Variants in SVOP observed in about 807,000 individuals in gnomAD.
The protein encoded by SVOP is SV2 related protein.
SVOP carries 17 observed loss-of-function variants against 69.1 expected under a neutral mutation model. That is an observed-to-expected ratio of 0.25 (90% CI 0.17 to 0.37). SVOP has a LOEUF of 0.37. Ranked by LOEUF, SVOP falls within the 10% of genes least tolerant of loss-of-function variation. The pLI, the probability that SVOP is intolerant of heterozygous loss-of-function variation, is 1.00. For missense variants in SVOP, 435 were observed against 597.5 expected (o/e 0.73, Z 2.84); for synonymous variants, 238 against 238.6 (o/e 1.00, Z 0.02).
intron 6 of SVOP, among the ~76,000 whole-genome samples, chr12:108,952,851 C>T (rs536066422): frequency 2.0e-4 from 30 of 152,030 alleles, no homozygotes; most frequent in Non-Finnish European, 3.8e-4. Flanking sequence ...AGAGCGAAAT[C>T]CGGTTTCAAA....
chr12:109,017,795 C>A (rs190841814), intron 1 of SVOP, among the ~76,000 whole-genome samples: 3 of 152,068 alleles, frequency 2.0e-5, no homozygotes, highest in Non-Finnish European at 4.4e-5. Flanking sequence ...CCACCCACCT[C>A]GGTCTCCCAA....
intron 6 of SVOP, among the ~76,000 whole-genome samples, chr12:108,948,227 C>T (rs2039935654): frequency 6.6e-6 from 1 of 152,170 alleles, no homozygotes; most frequent in African/African-American, 2.4e-5. Flanking sequence ...TTCCCTGTAT[C>T]TTTCTCTTAG....
chr12:108,918,003 C>A (rs761950133), intron 14 of SVOP, 40 bp downstream of exon 14: 63 of 1,490,316 alleles, frequency 4.2e-5, no homozygotes, highest in East Asian at 2.5e-4. Flanking sequence ...ACTCTCCCCC[C>A]ACTGCCCGTT....
chr12:108,951,134 A>G (rs2039951675), intron 6 of SVOP, among the ~76,000 whole-genome samples: 1 of 152,212 alleles, frequency 6.6e-6, no homozygotes, highest in African/African-American at 2.4e-5. Context: ...GGCTTTGTGT[A>G]TAAGCTCATT....
At position 108,912,340 on chromosome 12, in the gene SVOP, A is replaced by G; in HGVS notation, c.*195T>C. The G allele has an allele frequency of 6.9e-7, 1 of 1,444,770 alleles. No homozygotes were observed. Among genetic ancestry groups the G allele is most frequent in the Non-Finnish European group, 9.1e-7 (1 of 1,104,308 alleles). 89.5% of individuals were successfully genotyped at this position (1,444,770 alleles called of 1,614,324 possible). On this transcript the variant is annotated 3_prime_UTR_variant, in exon 16 of 16. Coordinates refer to ENST00000610966, the MANE Select transcript of SVOP (RefSeq NM_018711.5). The stretch of plus-strand genomic sequence containing the variant: ...ACCACATATACAGAGAACCCCCTAG[A>G]GCAAACATCTCCCCATCCCTGGGTG...
intron 1 of SVOP, among the ~76,000 whole-genome samples, chr12:109,006,115 C>G (rs1283989368): frequency 1.3e-5 from 2 of 152,156 alleles, no homozygotes; most frequent in African/African-American, 4.8e-5. Flanking sequence ...TGCAGTGGCA[C>G]AGTCTCGGCT....
chr12:108,963,077 C>A (rs2040026038), intron 5 of SVOP, among the ~76,000 whole-genome samples: 1 of 152,168 alleles, frequency 6.6e-6, no homozygotes, highest in Admixed American at 6.5e-5. Flanking sequence ...ATTTTTATAT[C>A]ACAATCAATG....
At chr12:108,923,700 T>C (rs1311586243) in intron 11 of SVOP, among the ~76,000 whole-genome samples, 1 of 152,098 alleles carries the variant, frequency 6.6e-6, no homozygotes, top group African/African-American at 2.4e-5. Context: ...GTGGTAATTC[T>C]GTTATGCACC....
At chr12:108,970,550 T>C (rs2040073127) in intron 5 of SVOP, among the ~76,000 whole-genome samples, 4 of 152,144 alleles carry the variant, frequency 2.6e-5, no homozygotes, top group Admixed American at 2.0e-4. Context: ...CCTAACAGAA[T>C]TCTAGGTTTG....
chr12:108,997,232 C>T (rs1052289827), intron 1 of SVOP, among the ~76,000 whole-genome samples: 2 of 152,208 alleles, frequency 1.3e-5, no homozygotes, highest in South Asian at 2.1e-4. Flanking sequence ...CACTCCCACC[C>T]GAATATTGCG....
intron 6 of SVOP, among the ~76,000 whole-genome samples, chr12:108,951,736 A>T (rs1386017836): frequency 6.6e-6 from 1 of 152,198 alleles, no homozygotes; most frequent in East Asian, 1.9e-4. Flanking sequence ...CCCCTTTGAA[A>T]TTGTTGTTCA....
At position 108,919,756 on chromosome 12, in the gene SVOP, C is replaced by A. The variant is rs375451387; in HGVS notation, c.1187G>T (p.Arg396Leu). Reference protein sequence around the residue: ...GVLVTLWIIDRLGRKKTMALC... With the variant: ...GVLVTLWIIDLLGRKKTMALC... The stretch of plus-strand genomic sequence containing the variant: ...GGCCATGGTCTTCTTGCGCCCCAGG[C>A]GGTCAATAATCCACAGAGTCACAAG... The change falls in exon 13 of 16, where the codon CGC becomes CTC. Residue 396 changes from arginine (R) to leucine (L), a missense_variant. Arg to Leu is a moderately radical substitution (Grantham distance 102, BLOSUM62 -2). Coordinates refer to ENST00000610966, the MANE Select transcript of SVOP (RefSeq NM_018711.5). 5.0e-6 allele frequency: 8 copies of A among 1,602,950 alleles called. No individual in the cohort carries two copies. The highest frequency in any genetic ancestry group is 2.3e-5 in the East Asian group (1 of 44,428).
intron 1 of SVOP, among the ~76,000 whole-genome samples, chr12:108,991,647 A>G (rs1332854399): frequency 6.6e-6 from 1 of 151,196 alleles, no homozygotes; most frequent in Non-Finnish European, 1.5e-5. Flanking sequence ...GTAGAGACAG[A>G]CTTTCTCCAT....
At chr12:108,919,389 A>G (rs1210936501) in intron 13 of SVOP, among the ~76,000 whole-genome samples, 1 of 148,038 alleles carries the variant, frequency 6.8e-6, no homozygotes, top group East Asian at 2.0e-4. Flanking sequence ...CTGGGCCTAT[A>G]CCCACACCTG....
At chr12:108,914,056 T>A (rs1277324063) in intron 15 of SVOP, among the ~76,000 whole-genome samples, 2 of 152,224 alleles carry the variant, frequency 1.3e-5, no homozygotes, top group Non-Finnish European at 2.9e-5. Flanking sequence ...TCAACCAGCA[T>A]CAGTTAGGAG....
Position 108,980,674 on chromosome 12 carries a change from C to T in SVOP, c.197-2011G>A, listed in dbSNP as rs1264531434. Among the ~76,000 whole-genome samples the T allele has an allele frequency of 3.4e-4, 42 of 123,288 alleles. 4 individuals are homozygous for T. The highest frequency in any genetic ancestry group is 2.2e-4 in the East Asian group (1 of 4,602). The allele number at this position is 123,288 out of a possible 152,430, so 80.9% of individuals were successfully genotyped here. The stretch of plus-strand genomic sequence containing the variant: ...CTGAGGCAGGAGAATGGCGTGAACC[C>T]GGGAAGCGGAGCTTGCAGTGAGCCG... On this transcript the variant is annotated intron_variant, in intron 2 of 15. Coordinates refer to ENST00000610966, the MANE Select transcript of SVOP (RefSeq NM_018711.5).
intron 4 of SVOP, 112 bp from the exon 5 acceptor site, chr12:108,972,588 C>A: frequency 9.0e-7 from 1 of 1,116,174 alleles, no homozygotes; most frequent in East Asian, 2.6e-5. Flanking sequence ...AATGATCTAA[C>A]ATTCACTGAG....
chr12:108,942,633 C>A (rs1025133488), intron 7 of SVOP, among the ~76,000 whole-genome samples: 6 of 152,270 alleles, frequency 3.9e-5, no homozygotes, highest in African/African-American at 1.4e-4. Context: ...AGCTGAGGGT[C>A]CTAGCTCCTG....
At position 108,994,652 on chromosome 12, in the gene SVOP, C is replaced by T. The variant is rs146275659; in HGVS notation, c.36-10891G>A. On this transcript the variant is annotated intron_variant, in intron 1 of 15. Coordinates refer to ENST00000610966, the MANE Select transcript of SVOP (RefSeq NM_018711.5). ...AGCACAGAGGGGCGGCAAGCTCGCC[C>T]AAGGTCACACAGTAAGTGGCTAAGC... 8.9e-3 allele frequency among the ~76,000 whole-genome samples: 1,362 copies of T among 152,318 alleles called. 11 individuals are homozygous for T. Among genetic ancestry groups the T allele is most frequent in the South Asian group, 0.02 (97 of 4,834 alleles).
Sources: allele counts gnomAD v4.1 joint callset (sites outside exome capture counted in the v4.1 genomes callset), GRCh38; gene constraint gnomAD v4.1.1; transcripts MANE v1.5; gene names NCBI Gene and HGNC (gene_info 2026-07-23, HGNC 2026-07-21).